Variants in GRSF1 observed in about 807,000 individuals in gnomAD.
GRSF1 encodes G-rich RNA sequence binding factor 1, also known as G-rich sequence factor 1.
In GRSF1, 50 loss-of-function variants were observed where a neutral mutation model predicts 51.1. The observed-to-expected ratio is 0.98, with a 90% CI of 0.78 to 1.24. GRSF1 has a LOEUF of 1.24. Among genes scored for constraint, GRSF1 ranks in the 50% most tolerant of loss-of-function variants. GRSF1 has a pLI of 0.00. For synonymous variants in GRSF1, 293 were observed against 253.3 expected (o/e 1.16, Z -1.49); for missense variants, 700 against 639.7 (o/e 1.09, Z -1.02).
rs1733349966 is a variant in GRSF1, at chr4:70,817,274, G to C, written c.*3613C>G. On this transcript the variant is annotated 3_prime_UTR_variant, in exon 10 of 10. Coordinates refer to ENST00000254799, the MANE Select transcript of GRSF1 (RefSeq NM_002092.4). ...TCACTCAGGCTGGAGTGCAGCAACAGTCATGGCTCACTGCAGGCTTGACTT... is the reference window on the plus strand; with the variant it reads ...TCACTCAGGCTGGAGTGCAGCAACACTCATGGCTCACTGCAGGCTTGACTT... The C allele has an allele frequency of 1.3e-5, 2 of 151,672 alleles. No homozygotes were observed. The highest frequency in any genetic ancestry group is 6.6e-5 in the Admixed American group (1 of 15,206). 9.4% of individuals were successfully genotyped at this position (151,672 alleles called of 1,614,324 possible). A position where few individuals can be genotyped will look rare whatever the true frequency, so the allele number is the denominator to read the frequency against.
At chr4:70,840,315 G>A (rs1734421029), upstream of GRSF1, among the ~76,000 whole-genome samples, 1 of 152,228 alleles carries the variant, frequency 6.6e-6, no homozygotes, top group Non-Finnish European at 1.5e-5. Context: ...GAGGCCCAAA[G>A]TAAGTGAGGC....
chr4:70,837,990 G>A (rs1734285667), intron 1 of GRSF1, among the ~76,000 whole-genome samples: 1 of 151,970 alleles, frequency 6.6e-6, no homozygotes, highest in South Asian at 2.1e-4. Flanking sequence ...CCAGCACTTT[G>A]GGAGGCAGAG....
In GRSF1 at chr4:70,825,438, G is replaced by A. The variant is rs1560595152; in HGVS notation, c.1258-7C>T. On this transcript the variant is annotated splice_polypyrimidine_tract_variant and splice_region_variant and intron_variant, in intron 7 of 9. Transcript: ENST00000254799. ...GCTTGAGTGGAGCAAAAAACTAAAC[G>A]ACAAACAAAGGCAGTCAAGAGGAAC... is the stretch of plus-strand genomic sequence containing the variant. 1.9e-6 allele frequency: 3 copies of A among 1,603,270 alleles called. No individual in the cohort carries two copies. The highest frequency in any genetic ancestry group is 2.2e-5 in the East Asian group (1 of 44,702).
rs1039905595 is a variant in GRSF1, at chr4:70,824,676, G to A, written c.1394-308C>T. 4.6e-5 allele frequency among the ~76,000 whole-genome samples: 7 copies of A among 151,946 alleles called. No individual in the cohort carries two copies. In the South Asian group the frequency reaches 6.2e-4, roughly 14 times the overall value. ...TGGGTGCCTATAGTCCCAGCTACTCGGGAGGCTGTGGCAGGACAATCACTT... is the reference window on the plus strand; with the variant it reads ...TGGGTGCCTATAGTCCCAGCTACTCAGGAGGCTGTGGCAGGACAATCACTT... On this transcript the variant is annotated intron_variant, in intron 8 of 9. Coordinates refer to ENST00000254799, the MANE Select transcript of GRSF1 (RefSeq NM_002092.4).
At chr4:70,824,420 A>G in intron 8 of GRSF1, 52 bp from the exon 9 acceptor site, 1 of 901,162 alleles carries the variant, frequency 1.1e-6, no homozygotes, top group Non-Finnish European at 1.8e-6. Flanking sequence ...GTAGAAAAAT[A>G]TTACAGCCAT....
chr4:70,838,930 T>C (rs1578312043), intron 1 of GRSF1: 10 of 342,128 alleles, frequency 2.9e-5, no homozygotes, highest in South Asian at 2.1e-4. Flanking sequence ...CGTCTTTCCC[T>C]GGGGACAGGA....
chr4:70,822,608 AAAGT>A (rs1733566945), intron 9 of GRSF1, among the ~76,000 whole-genome samples: 1 of 149,430 alleles, frequency 6.7e-6, no homozygotes, highest in African/African-American at 2.5e-5. Flanking sequence ...AAAAAAAACA[AAAGT>A]AACCTGAGAA....
chr4:70,826,060 T>C, intron 7 of GRSF1, 64 bp downstream of exon 7: 3 of 1,388,754 alleles, frequency 2.2e-6, no homozygotes, highest in Non-Finnish European at 3.0e-6. Context: ...CCCAAATTAA[T>C]ACAAGTTCAA....
rs35303311 is a variant in GRSF1, at chr4:70,838,219, C to CAAAAAAAAAAAA, written c.357+1240_357+1251dup. Among the ~76,000 whole-genome samples, 98 of 94,570 alleles carry CAAAAAAAAAAAA rather than the reference C, an allele frequency of 1.0e-3. 2 individuals are homozygous for CAAAAAAAAAAAA. The highest frequency in any genetic ancestry group is 1.4e-3 in the Non-Finnish European group (74 of 51,602). 62.0% of individuals were successfully genotyped at this position (94,570 alleles called of 152,430 possible). A position where few individuals can be genotyped will look rare whatever the true frequency, so the allele number is the denominator to read the frequency against. Reference sequence around the variant, plus strand: ...GGGCGACAGAGCGAGACTCGGTCTCCAAAAAAAAAAAAAAAAAAAGGCTTA... The same window carrying CAAAAAAAAAAAA: ...GGGCGACAGAGCGAGACTCGGTCTCCAAAAAAAAAAAAAAAAAAAAAAAAAAAAAAAGGCTTA... On this transcript the variant is annotated intron_variant, in intron 1 of 9. Coordinates refer to ENST00000254799, the MANE Select transcript of GRSF1 (RefSeq NM_002092.4).
rs769986673 is a variant in GRSF1, at chr4:70,820,062, A to G, written c.*825T>C. 2 of 152,258 alleles carry G rather than the reference A, an allele frequency of 1.3e-5. No individual in the cohort carries two copies. Among genetic ancestry groups the G allele is most frequent in the Non-Finnish European group, 2.9e-5 (2 of 68,020 alleles). 9.4% of individuals were successfully genotyped at this position (152,258 alleles called of 1,614,324 possible). A position where few individuals can be genotyped will look rare whatever the true frequency, so the allele number is the denominator to read the frequency against. On this transcript the variant is annotated 3_prime_UTR_variant, in exon 10 of 10. Transcript: ENST00000254799. ...TGGTTTAAATTCAAGTGAAGCCATT[A>G]ATTTTCTTACCAGTCTGGACTGTTC...
intron 1 of GRSF1, chr4:70,839,046 C>T: frequency 9.6e-7 from 1 of 1,040,454 alleles, no homozygotes; most frequent in South Asian, 1.4e-5. Context: ...CCGAGGGCCG[C>T]CCAGGCCTAG....
intron 1 of GRSF1, among the ~76,000 whole-genome samples, chr4:70,838,213 G>C (rs1239028597): frequency 1.4e-5 from 1 of 72,378 alleles, no homozygotes; most frequent in East Asian, 3.7e-4. Context: ...AGCGAGACTC[G>C]GTCTCCAAAA....
rs760090050 is a variant in GRSF1, at chr4:70,828,043, C to T, written c.951-7G>A. On this transcript the variant is annotated splice_polypyrimidine_tract_variant and splice_region_variant and intron_variant, in intron 5 of 9. Transcript: ENST00000254799. ...TGGAAATATCTCGATGTATCTATGT[C>T]AAAGCAAAAGTAAACAGGCACAAAT... 1.2e-6 allele frequency: 2 copies of T among 1,608,636 alleles called. No homozygotes were observed. The highest frequency in any genetic ancestry group is 4.5e-5 in the East Asian group (2 of 44,828).
rs1734373372 is a variant in GRSF1 at position 70,839,505 on chromosome 4, G to C, written c.323C>G (p.Ala108Gly). Reference sequence around the variant, plus strand: ...GCTGCGCGTCGGGACGGCGGCCGCCGCCGCCAGCGACTGCGGCAGCAGAGA... The same window carrying C: ...GCTGCGCGTCGGGACGGCGGCCGCCCCCGCCAGCGACTGCGGCAGCAGAGA... ...RASLLPQSLA[A>G]AAAVPTRSYS... The change falls in exon 1 of 10, where the codon GCG becomes GGG. Residue 108 changes from alanine (A) to glycine (G), a missense_variant. Ala to Gly is a moderately conservative substitution (Grantham distance 60). Coordinates refer to ENST00000254799, the MANE Select transcript of GRSF1 (RefSeq NM_002092.4). 7.0e-7 allele frequency: 1 copy of C among 1,423,534 alleles called. No homozygotes were observed. Among genetic ancestry groups the C allele is most frequent in the East Asian group, 3.0e-5 (1 of 33,264 alleles). 88.2% of individuals were successfully genotyped at this position (1,423,534 alleles called of 1,614,324 possible).
chr4:70,824,338 G>T lies in GRSF1; in HGVS notation c.1424C>A (p.Ser475Ter), dbSNP rs866109093. Residue 475 changes from serine to a stop codon, truncating the protein, a stop_gained, in exon 9 of 10, where the codon TCA (serine) becomes TAA (stop). Coordinates refer to ENST00000254799, the MANE Select transcript of GRSF1 (RefSeq NM_002092.4). LOFTEE classifies it high-confidence loss of function. ...HHRYIELFLN[S>*]CPKGK ...AGAGTCTTATTTTCCTTTTGGACAT[G>T]AATTCAGGAACAGTTCAATATACCT... 1.3e-6 allele frequency: 2 copies of T among 1,492,062 alleles called. No individual in the cohort carries two copies. Among genetic ancestry groups the T allele is most frequent in the South Asian group, 1.2e-5 (1 of 84,988 alleles). 92.4% of individuals were successfully genotyped at this position (1,492,062 alleles called of 1,614,324 possible).
At position 70,832,356 on chromosome 4, in the gene GRSF1, T is replaced by C. The variant is rs373879181; in HGVS notation, c.765A>G (p.Arg255=). The C allele has an allele frequency of 5.1e-5, 82 of 1,613,336 alleles. No individual in the cohort carries two copies. Among genetic ancestry groups the C allele is most frequent in the Non-Finnish European group, 4.0e-5 (47 of 1,179,452 alleles). Residue 255 remains arginine (R), a synonymous_variant, in exon 4 of 10, where the codon AGA becomes AGG. Coordinates refer to ENST00000254799, the MANE Select transcript of GRSF1 (RefSeq NM_002092.4). Reference sequence around the variant, plus strand: ...TCTCATTGCAACTATAAGGAAGTCCTCTCAAACGAACCACACCATCATTTA... The same window carrying C: ...TCTCATTGCAACTATAAGGAAGTCCCCTCAAACGAACCACACCATCATTTA... ...PVVNDGVVRL[R]GLPYSCNEKD...
In GRSF1 at chr4:70,831,404, T is replaced by C. The variant is rs532237057; in HGVS notation, c.950+135A>G. ...GAAAAAAAATTGTTAATCTAAATTA[T>C]GGGCATTTGATGGCTCACTACACTA... is the stretch of plus-strand genomic sequence containing the variant. On this transcript the variant is annotated intron_variant, in intron 5 of 9. Coordinates refer to ENST00000254799, the MANE Select transcript of GRSF1 (RefSeq NM_002092.4). The C allele has an allele frequency of 3.2e-4, 217 of 678,374 alleles. No individual in the cohort carries two copies. In the African/African-American group the frequency reaches 3.3e-3, roughly 10 times the overall value. The allele number at this position is 678,374 out of a possible 1,614,324, so 42.0% of individuals were successfully genotyped here. A position where few individuals can be genotyped will look rare whatever the true frequency, so the allele number is the denominator to read the frequency against.
chr4:70,824,456 C>G (rs1007124256), intron 8 of GRSF1, 88 bp from the exon 9 acceptor site: 7 of 720,820 alleles, frequency 9.7e-6, no homozygotes, highest in Non-Finnish European at 1.7e-5. Context: ...GACAGCAACT[C>G]AAACCCTTTG....
chr4:70,821,537 C>T (rs1405934285), intron 9 of GRSF1, among the ~76,000 whole-genome samples: 2 of 146,408 alleles, frequency 1.4e-5, no homozygotes, highest in African/African-American at 5.0e-5. Flanking sequence ...ACCCGGGGGG[C>T]GGAGGTTGCA....
Sources: allele counts gnomAD v4.1 joint callset (sites outside exome capture counted in the v4.1 genomes callset), GRCh38; gene constraint gnomAD v4.1.1; transcripts MANE v1.5; gene names NCBI Gene and HGNC (gene_info 2026-07-23, HGNC 2026-07-21).